Variants in LINGO2 observed in about 807,000 individuals in gnomAD.
LINGO2 encodes the protein leucine rich repeat and Ig domain containing 2, also known as leucine-rich repeat and immunoglobulin-like domain-containing nogo receptor-interacting protein 2.
Under a neutral mutation model 30.6 loss-of-function variants are expected in LINGO2, and 14 were observed. The observed-to-expected ratio is 0.46, with a 90% CI of 0.30 to 0.72. The LOEUF (loss-of-function observed/expected upper bound fraction) is 0.72. Ranked by LOEUF, LINGO2 falls within the 30% of genes least tolerant of loss-of-function variation. The pLI, the probability that LINGO2 is intolerant of heterozygous loss-of-function variation, is 0.07. For synonymous variants in LINGO2, 317 were observed against 288.5 expected, an observed-to-expected ratio of 1.10 and a Z score of -1.00; for missense variants, 729 against 751.7, an observed-to-expected ratio of 0.97 and a Z score of 0.35.
chr9:28,498,946 C>T (rs1564244752), intron 1 of LINGO2, among the ~76,000 whole-genome samples: 1 of 151,834 alleles, frequency 6.6e-6, no homozygotes, highest in South Asian at 2.1e-4. Context: ...TTAAATTATC[C>T]ACTATGATAT....
intron 4 of LINGO2, among the ~76,000 whole-genome samples, chr9:28,143,170 T>A (rs1194567069): frequency 1.3e-5 from 2 of 152,146 alleles, no homozygotes; most frequent in African/African-American, 4.8e-5. Context: ...TACAAAAGCA[T>A]TAAATTTGAA....
the LINGO2 span, among the ~76,000 whole-genome samples, chr9:28,734,058 A>ATT: frequency 1.3e-5 from 2 of 152,116 alleles, no homozygotes; most frequent in African/African-American, 4.8e-5. Flanking sequence ...AGACACTATG[A>ATT]TTTTTTTCTC....
chr9:28,843,425 T>A, the LINGO2 span, among the ~76,000 whole-genome samples: 1 of 151,774 alleles, frequency 6.6e-6, no homozygotes, highest in Admixed American at 6.6e-5. Flanking sequence ...TAATAATCAC[T>A]TAATCCTAAG....
intron 1 of LINGO2, among the ~76,000 whole-genome samples, chr9:28,553,396 CA>C (rs1822425157): frequency 6.6e-6 from 1 of 151,812 alleles, no homozygotes; most frequent in South Asian, 2.1e-4. Context: ...GAAAGGGTAT[CA>C]GCAATGGAAG....
chr9:28,239,652 T>C (rs1821709124), intron 4 of LINGO2, among the ~76,000 whole-genome samples: 2 of 152,226 alleles, frequency 1.3e-5, no homozygotes, highest in Non-Finnish European at 2.9e-5. Flanking sequence ...TAAAATCTGC[T>C]TATGACAAAC....
intron 3 of LINGO2, among the ~76,000 whole-genome samples, chr9:28,360,932 T>TC (rs1327788965): frequency 2.0e-5 from 3 of 151,916 alleles, no homozygotes; most frequent in Admixed American, 1.3e-4. Context: ...AATACAATAG[T>TC]CCCCCCCTTA....
chr9:28,966,447 T>G, the LINGO2 span, among the ~76,000 whole-genome samples: 1 of 151,802 alleles, frequency 6.6e-6, no homozygotes, highest in Admixed American at 6.6e-5. Context: ...GCAGTGGATA[T>G]TTTTTTTCCA....
intron 1 of LINGO2, among the ~76,000 whole-genome samples, chr9:28,520,363 C>T (rs1016071837): frequency 2.0e-5 from 3 of 152,084 alleles, no homozygotes; most frequent in African/African-American, 7.2e-5. Flanking sequence ...TTGGAATGCT[C>T]TTTTACCAGA....
In LINGO2 at chr9:28,474,712, T is replaced by C. The variant is rs564206595; in HGVS notation, c.-279+1228A>G. The stretch of plus-strand genomic sequence containing the variant: ...CTATGAGAAGTCCTGGACTAGGAGA[T>C]GGAAAATCTAGATTGAGTGTTTCAC... On this transcript the variant is annotated intron_variant, in intron 2 of 5. Coordinates refer to ENST00000379992, the Ensembl canonical transcript of LINGO2. 3.9e-5 allele frequency among the ~76,000 whole-genome samples: 6 copies of C among 152,312 alleles called. No individual in the cohort carries two copies. The South Asian group carries it at 6.2e-4, about 16-fold the overall frequency.
the LINGO2 span, among the ~76,000 whole-genome samples, chr9:29,183,063 A>G: frequency 6.6e-6 from 1 of 152,172 alleles, no homozygotes; most frequent in East Asian, 1.9e-4. Flanking sequence ...CAAACAATAA[A>G]CCCAGGATGT....
At chr9:28,664,896 A>G (rs1588044762) in intron 1 of LINGO2, among the ~76,000 whole-genome samples, 1 of 150,972 alleles carries the variant, frequency 6.6e-6, no homozygotes, top group East Asian at 1.9e-4. Flanking sequence ...TTTCTTTCAC[A>G]TATTTTTGTT....
the LINGO2 span, among the ~76,000 whole-genome samples, chr9:28,985,144 T>C: frequency 1.3e-5 from 2 of 152,130 alleles, no homozygotes; most frequent in Non-Finnish European, 2.9e-5. Flanking sequence ...CTGGCTTATT[T>C]CACTTAGCCT....
At chr9:28,365,805 C>A (rs1413901140) in intron 3 of LINGO2, among the ~76,000 whole-genome samples, 1 of 127,540 alleles carries the variant, frequency 7.8e-6, no homozygotes, top group African/African-American at 2.8e-5. Context: ...TCTTCCTTTT[C>A]TTCCAATGGG....
At chr9:28,359,062 T>C (rs921564309) in intron 3 of LINGO2, among the ~76,000 whole-genome samples, 14 of 152,062 alleles carry the variant, frequency 9.2e-5, no homozygotes, top group African/African-American at 3.1e-4. Flanking sequence ...CCCTTGAAAA[T>C]CAGCAGTTTT....
At chr9:28,338,097 C>A (rs906025827) in intron 3 of LINGO2, among the ~76,000 whole-genome samples, 3 of 152,172 alleles carry the variant, frequency 2.0e-5, no homozygotes, top group African/African-American at 7.2e-5. Flanking sequence ...GGGAGATGTA[C>A]CTGGCAAAGC....
chr9:28,715,629 C>A, the LINGO2 span, among the ~76,000 whole-genome samples: 3 of 152,024 alleles, frequency 2.0e-5, no homozygotes, highest in Non-Finnish European at 4.4e-5. Flanking sequence ...AGAAGGTCAT[C>A]GTTCTGGTTT....
the LINGO2 span, among the ~76,000 whole-genome samples, chr9:28,836,640 A>C: frequency 6.6e-6 from 1 of 151,778 alleles, no homozygotes; most frequent in Admixed American, 6.6e-5. Context: ...AATTTTTTAA[A>C]ATTTTTATTC....
intron 5 of LINGO2, among the ~76,000 whole-genome samples, chr9:28,009,212 C>T (rs1822426227): frequency 6.6e-6 from 1 of 151,516 alleles, no homozygotes; most frequent in Non-Finnish European, 1.5e-5. Context: ...AGTTGAACCC[C>T]TAACTTCATA....
the LINGO2 span, among the ~76,000 whole-genome samples, chr9:28,971,572 G>C: frequency 6.6e-6 from 1 of 152,344 alleles, no homozygotes; most frequent in Non-Finnish European, 1.5e-5. Flanking sequence ...AAAGGCAGGA[G>C]AAAGAGTGGG....
Sources: gnomAD v4.1 joint callset for allele counts (sites outside exome capture counted in the v4.1 genomes callset) on GRCh38, gnomAD v4.1.1 for gene constraint, MANE v1.5 for transcripts, NCBI Gene and HGNC (gene_info 2026-07-23, HGNC 2026-07-21) for gene names.